Variants in TNFRSF1B observed in about 807,000 individuals in gnomAD.
The protein encoded by TNFRSF1B is TNF receptor superfamily member 1B, also known as tumor necrosis factor receptor superfamily member 1B.
TNFRSF1B carries 19 observed loss-of-function variants against 44.6 expected under a neutral mutation model. The ratio of observed to expected loss-of-function variants is 0.43; its 90% CI spans 0.30 to 0.62. The LOEUF (loss-of-function observed/expected upper bound fraction) is 0.62, where lower values mean the gene tolerates loss of function less well. Among genes scored for constraint, TNFRSF1B ranks in the 20% least tolerant of loss-of-function variants. The pLI is 0.16. For missense variants in TNFRSF1B, 541 were observed against 619.9 expected (o/e 0.87, Z 1.35); for synonymous variants, 252 against 261.1 (o/e 0.97, Z 0.34).
intron 1 of TNFRSF1B, among the ~76,000 whole-genome samples, chr1:12,181,331 C>T (rs1425834541): frequency 1.3e-5 from 2 of 152,180 alleles, no homozygotes; most frequent in African/African-American, 4.8e-5. Context: ...ATGACCAGGG[C>T]CTTTGCAGGC....
intron 1 of TNFRSF1B, among the ~76,000 whole-genome samples, chr1:12,174,151 TCTTCTTCTTCTTCTCCTTCTCCTTCTC>T (rs1638587531): frequency 2.1e-5 from 2 of 97,248 alleles, no homozygotes; most frequent in African/African-American, 9.5e-5. Context: ...TTCTTCTTCT[TCTTCTTCTTCTTCTCCTTCTCCTTCTC>T]CTTCTCCTTC....
In TNFRSF1B at chr1:12,167,077, A is replaced by G; in HGVS notation, c.-15A>G. On this transcript the variant is annotated 5_prime_UTR_variant, in exon 1 of 10. Transcript: ENST00000376259. The stretch of plus-strand genomic sequence containing the variant: ...GGGCGCGAGGGCAGGGGGCAACCGG[A>G]CCCCGCCCGCACCCATGGCGCCCGT... 7.7e-7 allele frequency: 1 copy of G among 1,304,628 alleles called. No homozygotes were observed. The highest frequency in any genetic ancestry group is 9.7e-7 in the Non-Finnish European group (1 of 1,025,924). 80.8% of individuals were successfully genotyped at this position (1,304,628 alleles called of 1,614,324 possible).
At chr1:12,184,327 G>A (rs1034722597) in intron 1 of TNFRSF1B, among the ~76,000 whole-genome samples, 2 of 151,994 alleles carry the variant, frequency 1.3e-5, no homozygotes, top group African/African-American at 4.8e-5. Context: ...TCATTGTTTA[G>A]CCATGACAAG....
intron 9 of TNFRSF1B, among the ~76,000 whole-genome samples, chr1:12,205,707 C>T (rs1456469991): frequency 2.6e-5 from 4 of 152,166 alleles, no homozygotes; most frequent in African/African-American, 7.2e-5. Flanking sequence ...CTGCAACCTC[C>T]GTAGCCTGGG....
At position 12,183,719 on chromosome 1, in the gene TNFRSF1B, A is replaced by AG. The variant is rs1553163452; in HGVS notation, c.79-5077_79-5076insG. Among the ~76,000 whole-genome samples, 189 of 104,752 alleles carry AG rather than the reference A, an allele frequency of 1.8e-3. 5 individuals carry two copies. Among genetic ancestry groups the AG allele is most frequent in the African/African-American group, 5.3e-3 (154 of 28,856 alleles). 68.7% of individuals were successfully genotyped at this position (104,752 alleles called of 152,430 possible). On this transcript the variant is annotated intron_variant, in intron 1 of 9. Transcript: ENST00000376259. ...ATCTATCTATCTATCTATTCTATCTACCTATCTATCTATCTATCTATCTAT... is the reference window on the plus strand; with the variant it reads ...ATCTATCTATCTATCTATTCTATCTAGCCTATCTATCTATCTATCTATCTAT...
chr1:12,170,450 G>A lies in TNFRSF1B; in HGVS notation c.78+3281G>A, dbSNP rs570568446. Among the ~76,000 whole-genome samples, 31 of 152,326 alleles carry A rather than the reference G, an allele frequency of 2.0e-4. 1 individual carries two copies. In the South Asian group the frequency reaches 6.2e-3, roughly 31 times the overall value. On this transcript the variant is annotated intron_variant, in intron 1 of 9. Transcript: ENST00000376259. ...CATGGGTGTGAAAGGCTGAGAACCT[G>A]CCGGGCATTCTTACGTCAGAGGTGA...
intron 9 of TNFRSF1B, among the ~76,000 whole-genome samples, chr1:12,204,619 A>G (rs761124730): frequency 2.6e-5 from 4 of 152,078 alleles, no homozygotes; most frequent in Non-Finnish European, 4.4e-5. Context: ...TGCCTCCCCA[A>G]CCAGTTAGAA....
In TNFRSF1B at chr1:12,193,994, T is replaced by C. The variant is rs563979080; in HGVS notation, c.827T>C (p.Ile276Thr). 5 of 1,613,912 alleles carry C rather than the reference T, an allele frequency of 3.1e-6. No individual in the cohort carries two copies. In the South Asian group the frequency reaches 4.4e-5, roughly 14 times the overall value. ...VGVTALGLLI[I>T]GVVNCVIMTQ... ...GTGACAGCCTTGGGTCTACTAATAA[T>C]AGGAGTGGTGAACTGTGTCATCATG... Residue 276 changes from isoleucine to threonine, a missense_variant, in exon 7 of 10, where the codon ATA (isoleucine) becomes ACA (threonine). Transcript: ENST00000376259.
In TNFRSF1B at chr1:12,180,389, C is replaced by T. The variant is rs1201720564; in HGVS notation, c.79-8407C>T. 1.3e-5 allele frequency among the ~76,000 whole-genome samples: 2 copies of T among 152,326 alleles called. No individual in the cohort carries two copies. The highest frequency in any genetic ancestry group is 2.1e-4 in the South Asian group (1 of 4,828). On this transcript the variant is annotated intron_variant, in intron 1 of 9. Transcript: ENST00000376259. The surrounding 1 kb of genome is among the most constrained non-coding windows in gnomAD (Gnocchi z 4.3). ...TTCAGCTTTTTCCTTCTCCTCCAGG[C>T]CTCCCTTCTTTCCTTCCTCTCTCGC...
chr1:12,178,741 C>T lies in TNFRSF1B; in HGVS notation c.79-10055C>T, dbSNP rs576489163. Reference sequence around the variant, plus strand: ...AGCAGTACGGGCATGGAGAAGGGGGCGGAGGAGCCAGGTGCTGCTTTGTGT... The same window carrying T: ...AGCAGTACGGGCATGGAGAAGGGGGTGGAGGAGCCAGGTGCTGCTTTGTGT... On this transcript the variant is annotated intron_variant, in intron 1 of 9. Coordinates refer to ENST00000376259, the MANE Select transcript of TNFRSF1B (RefSeq NM_001066.3). The surrounding 1 kb of genome is among the most constrained non-coding windows in gnomAD (Gnocchi z 4.3). Among the ~76,000 whole-genome samples the T allele has an allele frequency of 3.0e-4, 46 of 152,136 alleles. No homozygotes were observed. Among genetic ancestry groups the T allele is most frequent in the African/African-American group, 8.0e-4 (33 of 41,500 alleles).
chr1:12,206,625 C>A (rs13306715), intron 9 of TNFRSF1B, 115 bp from the exon 10 acceptor site: 2 of 1,185,416 alleles, frequency 1.7e-6, no homozygotes, highest in East Asian at 2.6e-5. Context: ...ATCTTGGTCT[C>A]GGCTCCTGGC....
chr1:12,192,276 CTGTGTGTGTGTGTGTGTGTG>C, intron 4 of TNFRSF1B, 135 bp from the exon 5 acceptor site: 2 of 687,892 alleles, frequency 2.9e-6, no homozygotes, highest in Non-Finnish European at 5.3e-6. Flanking sequence ...GTACAGGCAT[CTGTGTGTGTGTGTGTGTGTG>C]TGTGTGTGTG....
At chr1:12,192,324 G>T in intron 4 of TNFRSF1B, 107 bp from the exon 5 acceptor site, 1 of 891,144 alleles carries the variant, frequency 1.1e-6, no homozygotes. Flanking sequence ...TGGAGGTGCA[G>T]ACAGAGCTCC....
chr1:12,176,683 C>T (rs187755656), intron 1 of TNFRSF1B, among the ~76,000 whole-genome samples: 33 of 152,286 alleles, frequency 2.2e-4, no homozygotes, highest in African/African-American at 7.2e-4. Flanking sequence ...AGTTTTTGAG[C>T]AAGAGAGTGA....
At chr1:12,174,437 G>A (rs1638607242) in intron 1 of TNFRSF1B, among the ~76,000 whole-genome samples, 1 of 152,006 alleles carries the variant, frequency 6.6e-6, no homozygotes. Context: ...TAGTAGAGAT[G>A]GGGTTTCACC....
intron 1 of TNFRSF1B, among the ~76,000 whole-genome samples, chr1:12,174,147 T>TCC (rs1447247456): frequency 4.7e-4 from 42 of 89,340 alleles, no homozygotes; most frequent in Admixed American, 1.0e-3. Flanking sequence ...CTTCTTCTTC[T>TCC]TCTTCTTCTT....
chr1:12,202,267 G>A (rs1055582222), intron 9 of TNFRSF1B, 96 bp downstream of exon 9: 6 of 1,483,520 alleles, frequency 4.0e-6, no homozygotes, highest in Non-Finnish European at 5.4e-6. Context: ...CCTCCCCGCA[G>A]GGTGGGACGA....
chr1:12,191,464 C>T (rs1019491283), intron 3 of TNFRSF1B, among the ~76,000 whole-genome samples: 9 of 150,488 alleles, frequency 6.0e-5, no homozygotes, highest in African/African-American at 2.2e-4. Context: ...AGCAGGACTG[C>T]AGGGAGGAGC....
chr1:12,184,479 C>T (rs978246251), intron 1 of TNFRSF1B, among the ~76,000 whole-genome samples: 2 of 151,852 alleles, frequency 1.3e-5, no homozygotes, highest in East Asian at 3.9e-4. Context: ...TGCCGGCTAC[C>T]GGGGGGGCTG....
Sources: gnomAD v4.1 joint callset for allele counts (sites outside exome capture counted in the v4.1 genomes callset) on GRCh38, gnomAD v4.1.1 for gene constraint, Gnocchi (gnomAD v3.1) non-coding constraint, MANE v1.5 for transcripts, NCBI Gene and HGNC (gene_info 2026-07-23, HGNC 2026-07-21) for gene names.